Variants in ETS1 observed in about 807,000 individuals in gnomAD.
The protein encoded by ETS1 is protein C-ets-1.
ETS1 carries 15 observed loss-of-function variants against 58.6 expected under a neutral mutation model. That is an observed-to-expected ratio of 0.26 (90% CI 0.17 to 0.39). ETS1 has a LOEUF of 0.39. ETS1 is among the 10% of genes least tolerant of loss of function. The pLI is 1.00. For missense variants in ETS1, 417 were observed against 610.5 expected (o/e 0.68, Z 3.34); for synonymous variants, 214 against 218.2 (o/e 0.98, Z 0.17).
At position 128,462,638 on chromosome 11, in the gene ETS1, T is replaced by C. The variant is rs1457705063; in HGVS notation, c.1243-62A>G. 4.1e-6 allele frequency: 5 copies of C among 1,222,360 alleles called. No homozygotes were observed. The African/African-American group carries it at 4.5e-5, about 11-fold the overall frequency. 75.7% of individuals were successfully genotyped at this position (1,222,360 alleles called of 1,614,324 possible). A position where few individuals can be genotyped will look rare whatever the true frequency, so the allele number is the denominator to read the frequency against. On this transcript the variant is annotated intron_variant, in intron 9 of 9. Coordinates refer to ENST00000392668, the MANE Select transcript of ETS1 (RefSeq NM_001143820.2). ...AAAAATCTACAAGACAGGCCAAATA[T>C]ATATGTTTCTATGCCTATGCTATAC...
intron 1 of ETS1, among the ~76,000 whole-genome samples, chr11:128,586,424 C>T (rs116832358): frequency 1.9e-3 from 292 of 152,282 alleles, no homozygotes; most frequent in African/African-American, 6.5e-3. Context: ...GAAGAAAAAG[C>T]GTTTTCTCTT....
intron 8 of ETS1, among the ~76,000 whole-genome samples, chr11:128,472,442 A>T (rs754885799): frequency 6.6e-6 from 1 of 152,334 alleles, no homozygotes. Context: ...CCCATCACGG[A>T]CTACTGAGAG....
chr11:128,551,301 T>C (rs1864225358), intron 3 of ETS1, among the ~76,000 whole-genome samples: 1 of 152,216 alleles, frequency 6.6e-6, no homozygotes, highest in Admixed American at 6.5e-5. Context: ...TGCTTCCTGC[T>C]GAGACATCCC....
At chr11:128,542,652 T>C (rs1334288629) in intron 3 of ETS1, among the ~76,000 whole-genome samples, 3 of 151,850 alleles carry the variant, frequency 2.0e-5, no homozygotes, top group Non-Finnish European at 4.4e-5. Context: ...GTGACCTTCA[T>C]CAAAACAAGA....
intron 3 of ETS1, among the ~76,000 whole-genome samples, chr11:128,538,779 CA>C (rs1565401968): frequency 1.3e-5 from 2 of 151,434 alleles, no homozygotes; most frequent in African/African-American, 4.8e-5. Flanking sequence ...CACACACACA[CA>C]CACACACACA....
rs555433791 is a variant in ETS1 at position 128,499,794 on chromosome 11, G to A, written c.215-9218C>T. Reference sequence around the variant, plus strand: ...CTCGGGGCCCACTTGGCACTTGGTCGGGGGGTAAAACAGGCATCGGGAGAG... The same window carrying A: ...CTCGGGGCCCACTTGGCACTTGGTCAGGGGGTAAAACAGGCATCGGGAGAG... On this transcript the variant is annotated intron_variant, in intron 3 of 9. Transcript: ENST00000392668. Among the ~76,000 whole-genome samples, 9 of 152,208 alleles carry A rather than the reference G, an allele frequency of 5.9e-5. 1 individual carries two copies. Among genetic ancestry groups the A allele is most frequent in the African/African-American group, 9.6e-5 (4 of 41,532 alleles).
chr11:128,522,878 C>T (rs1315739472), intron 3 of ETS1, among the ~76,000 whole-genome samples: 2 of 152,186 alleles, frequency 1.3e-5, no homozygotes, highest in African/African-American at 4.8e-5. Flanking sequence ...TATTGGACTC[C>T]AGCCGGATCT....
intron 2 of ETS1, chr11:128,571,983 G>A (rs1462614239): frequency 6.6e-6 from 1 of 152,100 alleles, no homozygotes; most frequent in Non-Finnish European, 1.5e-5. Context: ...GGCACAGGTT[G>A]CAGTGAGCAG....
intron 3 of ETS1, among the ~76,000 whole-genome samples, chr11:128,506,350 C>T (rs1482405457): frequency 1.3e-5 from 2 of 152,174 alleles, no homozygotes; most frequent in Non-Finnish European, 2.9e-5. Context: ...CTGCTATGAG[C>T]CCAACAATGA....
intron 3 of ETS1, among the ~76,000 whole-genome samples, chr11:128,512,605 C>T (rs907172139): frequency 6.6e-6 from 1 of 152,236 alleles, no homozygotes; most frequent in African/African-American, 2.4e-5. Flanking sequence ...GGTTTCTTGT[C>T]CGGCTCCAAC....
chr11:128,539,899 C>T (rs1864028585), intron 3 of ETS1, among the ~76,000 whole-genome samples: 1 of 152,082 alleles, frequency 6.6e-6, no homozygotes, highest in Non-Finnish European at 1.5e-5. Flanking sequence ...TATGAGAATT[C>T]CAGAATAGGC....
At chr11:128,573,022 A>G in intron 2 of ETS1, 40 bp downstream of exon 2, 1 of 1,535,498 alleles carries the variant, frequency 6.5e-7, no homozygotes, top group Non-Finnish European at 8.9e-7. Context: ...AGGGGAGAAG[A>G]TTGTGTGGGC....
At chr11:128,519,248 A>C (rs1253626851) in intron 3 of ETS1, among the ~76,000 whole-genome samples, 1 of 152,106 alleles carries the variant, frequency 6.6e-6, no homozygotes, top group East Asian at 1.9e-4. Context: ...AAGTGCATAA[A>C]GGTTCTTGGT....
chr11:128,529,357 G>A (rs1189903333), intron 3 of ETS1, among the ~76,000 whole-genome samples: 1 of 152,164 alleles, frequency 6.6e-6, no homozygotes, highest in Non-Finnish European at 1.5e-5. Context: ...CATGGGGATG[G>A]GCTGAGAGTG....
At chr11:128,565,915 T>G (rs1227087219) in intron 2 of ETS1, among the ~76,000 whole-genome samples, 1 of 152,188 alleles carries the variant, frequency 6.6e-6, no homozygotes, top group African/African-American at 2.4e-5. Flanking sequence ...GAGTGACCCT[T>G]CTGTGAACAC....
intron 1 of ETS1, among the ~76,000 whole-genome samples, chr11:128,575,963 G>A (rs990991715): frequency 2.2e-4 from 33 of 152,210 alleles, no homozygotes; most frequent in African/African-American, 8.0e-4. Flanking sequence ...CCCCCTCATA[G>A]CAACACTCCT....
chr11:128,569,530 T>A (rs1864584456), intron 2 of ETS1, among the ~76,000 whole-genome samples: 1 of 151,836 alleles, frequency 6.6e-6, no homozygotes, highest in Non-Finnish European at 1.5e-5. Context: ...CTCCAGGGTA[T>A]CTTAGATTGC....
At chr11:128,566,163 T>C (rs1223803197) in intron 2 of ETS1, among the ~76,000 whole-genome samples, 3 of 152,110 alleles carry the variant, frequency 2.0e-5, no homozygotes, top group Non-Finnish European at 2.9e-5. Context: ...ACAAGGAGGT[T>C]TCCCAATGAG....
intron 3 of ETS1, among the ~76,000 whole-genome samples, chr11:128,532,105 C>CTA (rs1863906800): frequency 6.6e-6 from 1 of 152,290 alleles, no homozygotes; most frequent in Admixed American, 6.5e-5. Flanking sequence ...TGCTATAAAC[C>CTA]TAAACCTCTA....
Sources: gnomAD v4.1 joint callset for allele counts (sites outside exome capture counted in the v4.1 genomes callset) on GRCh38, gnomAD v4.1.1 for gene constraint, MANE v1.5 for transcripts, NCBI Gene and HGNC (gene_info 2026-07-23, HGNC 2026-07-21) for gene names.